The following MACF1 variants were observed in gnomAD, a reference collection of about 807,000 sequenced individuals.
The protein encoded by MACF1 is microtubule actin crosslinking factor 1, also known as microtubule-actin cross-linking factor 1.
In MACF1, 193 loss-of-function variants were observed where a neutral mutation model predicts 854.8. The observed-to-expected ratio is 0.23, with a 90% CI of 0.20 to 0.25. The LOEUF (loss-of-function observed/expected upper bound fraction) is 0.25, where lower values mean the gene tolerates loss of function less well. Among genes scored for constraint, MACF1 ranks in the 10% least tolerant of loss-of-function variants. The pLI is 1.00. For missense variants in MACF1, 7,722 were observed against 8,929.1 expected (o/e 0.86, Z 5.45); for synonymous variants, 3,185 against 3,226.7 (o/e 0.99, Z 0.44).
At chr1:39,102,439 G>T (rs770421359) in intron 2 of MACF1, among the ~76,000 whole-genome samples, 12 of 151,686 alleles carry the variant, frequency 7.9e-5, no homozygotes, top group Non-Finnish European at 1.5e-4. Flanking sequence ...GGAGGCGGGG[G>T]GGGGGTCAAG....
chr1:39,393,186 A>T (rs1219339430), intron 58 of MACF1, among the ~76,000 whole-genome samples: 5 of 88,242 alleles, frequency 5.7e-5, no homozygotes, highest in African/African-American at 2.3e-4. Flanking sequence ...AAGGGTAAAA[A>T]AAAAAAAAAA....
rs112635003 is a variant in MACF1, at chr1:39,450,900, C to T, written c.20259-152C>T. The T allele has an allele frequency of 6.1e-3, 4,931 of 811,828 alleles. 156 individuals are homozygous for T. The African/African-American group carries it at 0.076, about 12-fold the overall frequency. 50.3% of individuals were successfully genotyped at this position (811,828 alleles called of 1,614,324 possible). On this transcript the variant is annotated intron_variant, in intron 84 of 100. Transcript: ENST00000564288. ...TGCTGGGATTACAGGTGTGAGCCAC[C>T]GCGCCCGGCCTTTACTGTATTTCTA... is the stretch of plus-strand genomic sequence containing the variant.
intron 2 of MACF1, among the ~76,000 whole-genome samples, chr1:39,116,937 T>C (rs1642562944): frequency 6.6e-6 from 1 of 152,302 alleles, no homozygotes; most frequent in Middle Eastern, 3.4e-3. Context: ...CCAGGGCAGT[T>C]GAGCTTTGCT....
At chr1:39,327,437 C>A (rs2148462334) in intron 36 of MACF1, 84 bp downstream of exon 36, 1 of 1,385,374 alleles carries the variant, frequency 7.2e-7, no homozygotes, top group South Asian at 1.6e-5. Flanking sequence ...GAGTCATGAT[C>A]ACTAGCTTTC....
At chr1:39,199,048 C>T (rs992932426) in intron 2 of MACF1, among the ~76,000 whole-genome samples, 1 of 151,900 alleles carries the variant, frequency 6.6e-6, no homozygotes, top group Non-Finnish European at 1.5e-5. Flanking sequence ...TGCAGTGGCG[C>T]GATCTCGGCT....
intron 15 of MACF1, among the ~76,000 whole-genome samples, chr1:39,291,188 G>A (rs1645777384): frequency 1.3e-5 from 2 of 151,850 alleles, no homozygotes; most frequent in African/African-American, 4.8e-5. Context: ...TGTTGGCCAG[G>A]CTGGTCTCGA....
At chr1:39,219,122 G>A (rs567008923) in intron 1 of MACF1, among the ~76,000 whole-genome samples, 2 of 152,318 alleles carry the variant, frequency 1.3e-5, no homozygotes, top group South Asian at 4.1e-4. Context: ...AGCTTCTACA[G>A]TTGTCACTTC....
intron 2 of MACF1, among the ~76,000 whole-genome samples, chr1:39,135,769 G>A (rs1235463512): frequency 6.6e-6 from 1 of 152,076 alleles, no homozygotes; most frequent in African/African-American, 2.4e-5. Flanking sequence ...TTGCCTCCTA[G>A]TCTAATTTTT....
intron 44 of MACF1, among the ~76,000 whole-genome samples, chr1:39,354,851 C>A (rs1198350378): frequency 6.6e-6 from 1 of 152,190 alleles, no homozygotes; most frequent in Non-Finnish European, 1.5e-5. Flanking sequence ...TCACTTCTTA[C>A]TGTTTATTTC....
At chr1:39,195,946 C>T (rs1311486101) in intron 2 of MACF1, among the ~76,000 whole-genome samples, 1 of 152,164 alleles carries the variant, frequency 6.6e-6, no homozygotes, top group Non-Finnish European at 1.5e-5. Flanking sequence ...AGGTTTCGTA[C>T]AGTCTGAGCA....
chr1:39,264,017 C>T (rs1645200668), intron 6 of MACF1, among the ~76,000 whole-genome samples: 1 of 152,102 alleles, frequency 6.6e-6, no homozygotes, highest in Non-Finnish European at 1.5e-5. Flanking sequence ...TCATGATCCG[C>T]CCACCTCAGC....
intron 2 of MACF1, among the ~76,000 whole-genome samples, chr1:39,132,759 G>A (rs1034555521): frequency 6.6e-6 from 1 of 152,108 alleles, no homozygotes; most frequent in African/African-American, 2.4e-5. Context: ...TTTGATGTGT[G>A]GGGGGTGGGA....
intron 15 of MACF1, among the ~76,000 whole-genome samples, chr1:39,290,210 A>G (rs1302601273): frequency 6.6e-6 from 1 of 152,156 alleles, no homozygotes; most frequent in Non-Finnish European, 1.5e-5. Flanking sequence ...TTTGTGTATG[A>G]TGACAAGGGA....
chr1:39,194,337 TTTTCTTTTC>T (rs1644291591), intron 2 of MACF1, among the ~76,000 whole-genome samples: 1 of 66,870 alleles, frequency 1.5e-5, no homozygotes, highest in Non-Finnish European at 3.0e-5. Flanking sequence ...TTTTCTTTTC[TTTTCTTTTC>T]TTTTCTTTTT....
At chr1:39,240,998 C>A (rs1313160306) in intron 2 of MACF1, among the ~76,000 whole-genome samples, 1 of 151,876 alleles carries the variant, frequency 6.6e-6, no homozygotes, top group East Asian at 1.9e-4. Flanking sequence ...TTATTCCCTG[C>A]ATTTAAGCAT....
chr1:39,125,408 C>T (rs1458915112), intron 2 of MACF1, among the ~76,000 whole-genome samples: 1 of 152,166 alleles, frequency 6.6e-6, no homozygotes, highest in Non-Finnish European at 1.5e-5. Flanking sequence ...TCTTACCTTG[C>T]AGGGATATTG....
chr1:39,436,355 C>A, intron 70 of MACF1: 1 of 919,248 alleles, frequency 1.1e-6, no homozygotes, highest in Non-Finnish European at 1.8e-6. Context: ...TCAAGTTTCT[C>A]CCCCCACCTT....
chr1:39,380,887 G>A (rs1251074519), intron 55 of MACF1, among the ~76,000 whole-genome samples: 1 of 151,788 alleles, frequency 6.6e-6, no homozygotes, highest in Non-Finnish European at 1.5e-5. Context: ...ACTCCAACCT[G>A]GGCAACAGAG....
chr1:39,111,974 C>G (rs1642420078), intron 2 of MACF1, among the ~76,000 whole-genome samples: 1 of 152,150 alleles, frequency 6.6e-6, no homozygotes, highest in South Asian at 2.1e-4. Flanking sequence ...ACACATCTCT[C>G]TTCTCCATTT....
Sources: allele counts gnomAD v4.1 joint callset (sites outside exome capture counted in the v4.1 genomes callset), GRCh38; gene constraint gnomAD v4.1.1; transcripts MANE v1.5; gene names NCBI Gene and HGNC (gene_info 2026-07-23, HGNC 2026-07-21).